Variants in VRK2 observed in about 807,000 individuals in gnomAD.
VRK2 encodes the protein VRK serine/threonine kinase 2.
In VRK2, 60 loss-of-function variants were observed where a neutral mutation model predicts 57.6. The ratio of observed to expected loss-of-function variants is 1.04; its 90% confidence interval spans 0.85 to 1.29. The LOEUF is 1.29. VRK2 is among the 50% of genes most tolerant of loss of function. VRK2 has a pLI of 0.00. For missense variants in VRK2, 705 were observed against 588.1 expected (o/e 1.20, Z -2.06); for synonymous variants, 231 against 199.2 (o/e 1.16, Z -1.35).
At chr2:57,925,297 A>G (rs1670495155) in intron 1 of VRK2, among the ~76,000 whole-genome samples, 1 of 152,066 alleles carries the variant, frequency 6.6e-6, no homozygotes, top group South Asian at 2.1e-4. Context: ...AGTTCTTCAA[A>G]TGTTTGGTAA....
intron 12 of VRK2, among the ~76,000 whole-genome samples, chr2:58,150,391 A>T (rs1682817176): frequency 6.6e-6 from 1 of 151,346 alleles, no homozygotes; most frequent in East Asian, 1.9e-4. Flanking sequence ...TATCAGCACT[A>T]AGTTAGGATA....
At chr2:58,047,481 TAG>T (rs1466479104) in intron 1 of VRK2, 11 of 985,294 alleles carry the variant, frequency 1.1e-5, no homozygotes, top group East Asian at 2.3e-4. Context: ...GTACATTTCG[TAG>T]AGTCTCCCTT....
intron 12 of VRK2, 44 bp from the exon 13 acceptor site, chr2:58,159,305 A>T: frequency 7.0e-7 from 1 of 1,419,170 alleles, no homozygotes; most frequent in South Asian, 1.4e-5. Context: ...TACTTGGATA[A>T]CTCACGTCTA....
rs183028533 is a variant in VRK2 at position 58,146,485 on chromosome 2, T to C, written c.1182+11T>C. ...AATGAAGCAGCTCAGGTGAGAGGGT[T>C]GTTTGTGTGTGTTTTTTCTAACTTA... On this transcript the variant is annotated intron_variant, in intron 12 of 12. Coordinates refer to ENST00000340157, the MANE Select transcript of VRK2 (RefSeq NM_006296.7). 8 of 1,598,682 alleles carry C rather than the reference T, an allele frequency of 5.0e-6. No individual in the cohort carries two copies. In the African/African-American group the frequency reaches 1.1e-4, roughly 22 times the overall value.
intron 10 of VRK2, among the ~76,000 whole-genome samples, chr2:58,137,208 TATGATACATATATATC>T (rs1321104918): frequency 3.1e-5 from 3 of 95,726 alleles, no homozygotes; most frequent in African/African-American, 1.9e-4. Context: ...ATATCTCATA[TATGATACATATATATC>T]ATATGATACA....
intron 6 of VRK2, among the ~76,000 whole-genome samples, chr2:58,088,816 G>T (rs1347495225): frequency 6.6e-6 from 1 of 152,178 alleles, no homozygotes; most frequent in Non-Finnish European, 1.5e-5. Flanking sequence ...GTGATGGTAG[G>T]GGGGTGCTAT....
intron 1 of VRK2, among the ~76,000 whole-genome samples, chr2:57,948,844 T>A (rs780393789): frequency 2.7e-4 from 41 of 151,912 alleles, no homozygotes; most frequent in Admixed American, 1.1e-3. Context: ...TTGAAAGGTC[T>A]GAGAAGGAAG....
chr2:57,921,582 A>G (rs1176904943), intron 1 of VRK2, among the ~76,000 whole-genome samples: 1 of 152,094 alleles, frequency 6.6e-6, no homozygotes, highest in Non-Finnish European at 1.5e-5. Context: ...AAGAGGAGAA[A>G]AATCTGCACT....
intron 1 of VRK2, among the ~76,000 whole-genome samples, chr2:57,951,640 G>C (rs1313288823): frequency 1.3e-5 from 2 of 152,228 alleles, no homozygotes; most frequent in African/African-American, 4.8e-5. Flanking sequence ...CTAATCTTCA[G>C]CACTATCACT....
At chr2:57,982,840 G>A (rs953157577) in intron 1 of VRK2, among the ~76,000 whole-genome samples, 1 of 152,208 alleles carries the variant, frequency 6.6e-6, no homozygotes, top group African/African-American at 2.4e-5. Context: ...CCATGCTCCA[G>A]TGCAGCCGTT....
At chr2:58,139,094 G>A (rs557691973) in intron 10 of VRK2, among the ~76,000 whole-genome samples, 3 of 152,256 alleles carry the variant, frequency 2.0e-5, no homozygotes, top group Admixed American at 2.0e-4. Flanking sequence ...ACACGAGGCT[G>A]TGTACCAGGC....
chr2:57,985,668 C>T (rs1518396), intron 1 of VRK2, among the ~76,000 whole-genome samples: 27,287 of 151,862 alleles, frequency 0.18, 3,188 homozygotes, highest in African/African-American at 0.33. Flanking sequence ...CTGCTCTCAC[C>T]AATCCTGTTC....
rs1553360336 is a variant in VRK2, at chr2:57,921,300, A to ACACACACACT, written c.-439+13470_-439+13471insTCACACACAC. Among the ~76,000 whole-genome samples, 524 of 151,590 alleles carry ACACACACACT rather than the reference A, an allele frequency of 3.5e-3. 8 individuals carry two copies. The highest frequency in any genetic ancestry group is 0.012 in the African/African-American group (496 of 41,256). On this transcript the variant is annotated intron_variant, in intron 1 of 15. Coordinates refer to the VRK2 transcript ENST00000417641. Reference sequence around the variant, plus strand: ...TTCTTAAGCGCGCACACACACACACACACACACACACTCACACACACACAC... The same window carrying ACACACACACT: ...TTCTTAAGCGCGCACACACACACACACACACACACTCACACACACACTCACACACACACAC...
At chr2:58,091,166 A>G (rs1183481393) in intron 7 of VRK2, among the ~76,000 whole-genome samples, 3 of 152,208 alleles carry the variant, frequency 2.0e-5, no homozygotes, top group Non-Finnish European at 4.4e-5. Context: ...GTTAAGATCC[A>G]TAGAATGGAC....
intron 1 of VRK2, among the ~76,000 whole-genome samples, chr2:58,020,276 A>G (rs558012857): frequency 6.6e-6 from 1 of 152,324 alleles, no homozygotes; most frequent in South Asian, 2.1e-4. Flanking sequence ...CAGTGGTGTG[A>G]TAACAGCTCA....
intron 1 of VRK2, among the ~76,000 whole-genome samples, chr2:58,000,190 G>C (rs1268703450): frequency 6.6e-6 from 1 of 152,120 alleles, no homozygotes; most frequent in African/African-American, 2.4e-5. Context: ...TAAAATATAT[G>C]GCCATAATAC....
intron 1 of VRK2, among the ~76,000 whole-genome samples, chr2:58,003,066 G>A (rs1272156512): frequency 1.3e-5 from 2 of 152,042 alleles, no homozygotes; most frequent in Non-Finnish European, 2.9e-5. Flanking sequence ...AATTCAAACA[G>A]GTATATTCTC....
chr2:58,015,405 T>C (rs952261176), intron 1 of VRK2, among the ~76,000 whole-genome samples: 16 of 152,322 alleles, frequency 1.1e-4, no homozygotes, highest in African/African-American at 3.6e-4. Context: ...TGTGGGACCA[T>C]GGACAAATTA....
chr2:57,926,583 T>A (rs1670545406), intron 1 of VRK2, among the ~76,000 whole-genome samples: 1 of 151,580 alleles, frequency 6.6e-6, no homozygotes, highest in Non-Finnish European at 1.5e-5. Context: ...CTTACCCCTT[T>A]ATCATGATAT....
Sources: allele counts gnomAD v4.1 joint callset (sites outside exome capture counted in the v4.1 genomes callset), GRCh38; gene constraint gnomAD v4.1.1; transcripts MANE v1.5; gene names NCBI Gene and HGNC (gene_info 2026-07-23, HGNC 2026-07-21).